Variants in ADGRL3 observed in about 807,000 individuals in gnomAD.
ADGRL3 encodes the protein calcium-independent alpha-latrotoxin receptor 3.
In ADGRL3, 62 loss-of-function variants were observed where a neutral mutation model predicts 153.5. The ratio of observed to expected loss-of-function variants is 0.40; its 90% CI spans 0.33 to 0.50. The LOEUF (loss-of-function observed/expected upper bound fraction) is 0.50. Among genes scored for constraint, ADGRL3 ranks in the 20% least tolerant of loss-of-function variants. The pLI is 0.47. For missense variants in ADGRL3, 1,641 were observed against 1,859.4 expected, an observed-to-expected ratio of 0.88 and a Z score of 2.16; for synonymous variants, 710 against 672.5, an observed-to-expected ratio of 1.06 and a Z score of -0.86.
chr4:62,068,620 C>A (rs2151919248), intron 26 of ADGRL3, among the ~76,000 whole-genome samples: 1 of 152,246 alleles, frequency 6.6e-6, no homozygotes, highest in African/African-American at 2.4e-5. Context: ...AGCCATCCAA[C>A]CATAGCCATC....
At chr4:61,453,331 T>G (rs1405154096) in intron 2 of ADGRL3, among the ~76,000 whole-genome samples, 1 of 152,136 alleles carries the variant, frequency 6.6e-6, no homozygotes. Context: ...ATCTTAATAA[T>G]GTTGCAAAGA....
intron 5 of ADGRL3, among the ~76,000 whole-genome samples, chr4:61,642,314 G>A (rs2093718853): frequency 6.6e-6 from 1 of 152,134 alleles, no homozygotes; most frequent in Non-Finnish European, 1.5e-5. Context: ...TGTCAATTCT[G>A]GCTTTGGTTG....
intron 17 of ADGRL3, among the ~76,000 whole-genome samples, chr4:61,972,086 A>G (rs985985451): frequency 1.3e-5 from 2 of 151,152 alleles, no homozygotes; most frequent in Non-Finnish European, 2.9e-5. Flanking sequence ...GGTTGTGAAA[A>G]TTTTCTCCCA....
intron 9 of ADGRL3, among the ~76,000 whole-genome samples, chr4:61,847,906 T>G (rs1446321888): frequency 4.6e-5 from 1 of 21,646 alleles, no homozygotes; most frequent in Non-Finnish European, 1.1e-4. Context: ...TTATATATAA[T>G]ATAAAATATA....
intron 5 of ADGRL3, among the ~76,000 whole-genome samples, chr4:61,646,975 C>G (rs968610179): frequency 1.3e-5 from 2 of 152,198 alleles, no homozygotes; most frequent in African/African-American, 2.4e-5. Flanking sequence ...ATATAATCTC[C>G]TGGTGCGCCG....
chr4:61,932,580 C>T (rs2098821919), intron 13 of ADGRL3, among the ~76,000 whole-genome samples: 1 of 151,966 alleles, frequency 6.6e-6, no homozygotes, highest in African/African-American at 2.4e-5. Context: ...AGTTTGCTAG[C>T]ATTTTGTTGA....
chr4:61,691,694 A>C (rs2095542732), intron 6 of ADGRL3, among the ~76,000 whole-genome samples: 2 of 152,150 alleles, frequency 1.3e-5, no homozygotes, highest in South Asian at 4.1e-4. Context: ...TGTTGGAAAA[A>C]CTAAATCATA....
At chr4:61,477,286 G>T (rs1476894105) in intron 2 of ADGRL3, among the ~76,000 whole-genome samples, 1 of 152,036 alleles carries the variant, frequency 6.6e-6, no homozygotes, top group African/African-American at 2.4e-5. Context: ...TTTTGGTGAG[G>T]TGGTCCTTCC....
At chr4:61,882,505 T>A (rs75704838) in intron 9 of ADGRL3, among the ~76,000 whole-genome samples, 29 of 152,310 alleles carry the variant, frequency 1.9e-4, no homozygotes, top group Non-Finnish European at 3.7e-4. Flanking sequence ...AAGTGAAAGT[T>A]GTATGACATC....
chr4:61,679,947 C>T (rs1314782018), intron 6 of ADGRL3, among the ~76,000 whole-genome samples: 2 of 151,330 alleles, frequency 1.3e-5, no homozygotes, highest in Non-Finnish European at 2.9e-5. Context: ...TTTTCTTAGT[C>T]CTTTACCTGT....
intron 17 of ADGRL3, among the ~76,000 whole-genome samples, chr4:61,965,034 T>G (rs1460574070): frequency 6.6e-6 from 1 of 152,146 alleles, no homozygotes; most frequent in Non-Finnish European, 1.5e-5. Flanking sequence ...AGGATCTCAC[T>G]CTTTCACTCA....
At chr4:61,695,604 A>G (rs529813400) in intron 6 of ADGRL3, among the ~76,000 whole-genome samples, 1 of 152,144 alleles carries the variant, frequency 6.6e-6, no homozygotes, top group Non-Finnish European at 1.5e-5. Context: ...ACTGGATTCA[A>G]CTTAAATTCC....
At chr4:61,756,154 A>G (rs1441773156) in intron 8 of ADGRL3, among the ~76,000 whole-genome samples, 1 of 152,172 alleles carries the variant, frequency 6.6e-6, no homozygotes, top group African/African-American at 2.4e-5. Context: ...AGTTCTGTGG[A>G]GAAAGTCGTT....
chr4:61,362,945 C>T (rs1479026335), intron 1 of ADGRL3, among the ~76,000 whole-genome samples: 1 of 152,082 alleles, frequency 6.6e-6, no homozygotes. Context: ...TTTGTATAGC[C>T]ATTTACCAAT....
intron 1 of ADGRL3, among the ~76,000 whole-genome samples, chr4:61,224,743 C>T (rs1336907917): frequency 1.3e-5 from 2 of 152,144 alleles, no homozygotes; most frequent in Non-Finnish European, 2.9e-5. Context: ...AGGCTCTTAG[C>T]CATTCAGAAA....
At chr4:61,941,809 T>C (rs1484039613) in intron 15 of ADGRL3, among the ~76,000 whole-genome samples, 4 of 35,374 alleles carry the variant, frequency 1.1e-4, no homozygotes, top group African/African-American at 4.1e-4. Flanking sequence ...CTGAAGTTGC[T>C]TATCAGCTTA....
At chr4:61,473,203 ATGTGTTTGTG>A (rs755565740) in intron 2 of ADGRL3, among the ~76,000 whole-genome samples, 4 of 43,856 alleles carry the variant, frequency 9.1e-5, no homozygotes, top group Middle Eastern at 0.01. Flanking sequence ...ACCTATTTGT[ATGTGTTTGTG>A]TGTGTGTGTG....
At chr4:61,431,548 AATT>A (rs1471100212) in intron 2 of ADGRL3, among the ~76,000 whole-genome samples, 1 of 152,224 alleles carries the variant, frequency 6.6e-6, no homozygotes, top group Non-Finnish European at 1.5e-5. Flanking sequence ...TTGTTGATAG[AATT>A]TAGACAATTT....
intron 6 of ADGRL3, among the ~76,000 whole-genome samples, chr4:61,721,178 T>C (rs1297774557): frequency 6.6e-6 from 1 of 152,124 alleles, no homozygotes; most frequent in Non-Finnish European, 1.5e-5. Context: ...TAGATGTATA[T>C]GTGAAGGGGA....
Sources: allele counts gnomAD v4.1 joint callset (sites outside exome capture counted in the v4.1 genomes callset), GRCh38; gene constraint gnomAD v4.1.1; transcripts MANE v1.5; gene names NCBI Gene and HGNC (gene_info 2026-07-23, HGNC 2026-07-21).